CALCRL: variants seen among roughly 807,000 people sequenced by gnomAD.
The protein encoded by CALCRL is calcitonin gene-related peptide type 1 receptor.
Under a neutral mutation model 60.4 loss-of-function variants are expected in CALCRL, and 27 were observed. The observed-to-expected ratio is 0.45, with a 90% CI of 0.33 to 0.62. The LOEUF (loss-of-function observed/expected upper bound fraction) is 0.62, where lower values mean the gene tolerates loss of function less well. Among genes scored for constraint, CALCRL ranks in the 20% least tolerant of loss-of-function variants. The probability of loss-of-function intolerance (pLI) is 0.03; values close to 1 mark genes in which losing one functional copy is unlikely to be tolerated. For missense variants in CALCRL, 424 were observed against 540.7 expected, an observed-to-expected ratio of 0.78 and a Z score of 2.14; for synonymous variants, 190 against 182.6, an observed-to-expected ratio of 1.04 and a Z score of -0.33.
At chr2:187,372,782 A>T (rs1307139135) in intron 8 of CALCRL, among the ~76,000 whole-genome samples, 1 of 152,152 alleles carries the variant, frequency 6.6e-6, no homozygotes. Context: ...TACACAGTGA[A>T]TGATTTTATG....
chr2:187,422,238 C>A (rs1164716665), intron 1 of CALCRL, among the ~76,000 whole-genome samples: 1 of 152,092 alleles, frequency 6.6e-6, no homozygotes, highest in Admixed American at 6.6e-5. Flanking sequence ...ATTAAAAAAT[C>A]AATGAGTTTT....
intron 8 of CALCRL, among the ~76,000 whole-genome samples, chr2:187,375,651 A>G (rs1687726923): frequency 6.6e-6 from 1 of 152,158 alleles, no homozygotes; most frequent in African/African-American, 2.4e-5. Context: ...TGGCCTATTT[A>G]TATGTAAAAC....
intron 14 of CALCRL, among the ~76,000 whole-genome samples, chr2:187,350,679 T>C (rs957112983): frequency 1.3e-5 from 2 of 151,722 alleles, no homozygotes; most frequent in African/African-American, 4.8e-5. Context: ...GTAAAAATAT[T>C]ACTTAAGCAA....
intron 1 of CALCRL, among the ~76,000 whole-genome samples, chr2:187,405,751 A>C (rs1372166233): frequency 6.6e-6 from 1 of 152,098 alleles, no homozygotes; most frequent in Non-Finnish European, 1.5e-5. Flanking sequence ...GATAAAATGC[A>C]GACGGCTGAA....
chr2:187,362,020 T>G (rs143620021), intron 9 of CALCRL, among the ~76,000 whole-genome samples: 1 of 152,120 alleles, frequency 6.6e-6, no homozygotes, highest in East Asian at 1.9e-4. Context: ...CTTCAACTTT[T>G]TATCTAAAGA....
chr2:187,356,180 C>A (rs1283946453), intron 12 of CALCRL, among the ~76,000 whole-genome samples: 1 of 152,048 alleles, frequency 6.6e-6, no homozygotes, highest in Non-Finnish European at 1.5e-5. Flanking sequence ...AAAAAAAGAG[C>A]CTGTATAGCC....
intron 8 of CALCRL, among the ~76,000 whole-genome samples, chr2:187,373,555 A>G (rs1471261817): frequency 6.6e-6 from 1 of 152,182 alleles, no homozygotes; most frequent in Non-Finnish European, 1.5e-5. Context: ...TTTTGTTTTT[A>G]AAGATCTTAA....
chr2:187,431,505 C>G (rs1323475670), intron 1 of CALCRL: 2 of 154,522 alleles, frequency 1.3e-5, no homozygotes, highest in African/African-American at 4.8e-5. Context: ...TGATACTTTT[C>G]AATGGAAAGT....
intron 1 of CALCRL, among the ~76,000 whole-genome samples, chr2:187,447,495 G>C (rs1279085351): frequency 6.6e-6 from 1 of 151,800 alleles, no homozygotes; most frequent in Admixed American, 6.6e-5. Flanking sequence ...AGTAGTTACA[G>C]ATATATGTGT....
intron 1 of CALCRL, among the ~76,000 whole-genome samples, chr2:187,401,042 G>C (rs2105823908): frequency 6.6e-6 from 1 of 151,596 alleles, no homozygotes; most frequent in Non-Finnish European, 1.5e-5. Flanking sequence ...TATATGTGCA[G>C]GCTTGTTACA....
intron 14 of CALCRL, among the ~76,000 whole-genome samples, chr2:187,349,474 T>C (rs1686429678): frequency 6.6e-6 from 1 of 151,594 alleles, no homozygotes; most frequent in African/African-American, 2.4e-5. Flanking sequence ...AATTTGGCAG[T>C]TGTTTCTTCA....
At chr2:187,376,629 T>C (rs1307432796) in intron 8 of CALCRL, among the ~76,000 whole-genome samples, 1 of 152,160 alleles carries the variant, frequency 6.6e-6, no homozygotes, top group Non-Finnish European at 1.5e-5. Context: ...TTAGACTCTT[T>C]CACATGAAGG....
Position 187,352,176 on chromosome 2 carries a change from G to C in CALCRL, c.1066C>G (p.Pro356Ala). Residue 356 changes from proline to alanine, a missense_variant, in exon 13 of 15, where the codon CCT becomes GCT. Physicochemically the swap from Pro to Ala is conservative, Grantham distance 27. Coordinates refer to ENST00000392370, the MANE Select transcript of CALCRL (RefSeq NM_005795.6). ...GIEFVLIPWR[P>A]EGKIAEEVYD... ...ACCTCCTCTGCAATCTTTCCTTCAG[G>C]TCGCCATGGAATCAGCACAAATTCA... 6.2e-7 allele frequency: 1 copy of C among 1,612,338 alleles called. No individual in the cohort carries two copies. Among genetic ancestry groups the C allele is most frequent in the Non-Finnish European group, 8.5e-7 (1 of 1,178,932 alleles).
At chr2:187,357,802 A>G (rs1686863813) in intron 12 of CALCRL, among the ~76,000 whole-genome samples, 1 of 132,034 alleles carries the variant, frequency 7.6e-6, no homozygotes, top group Non-Finnish European at 1.6e-5. Flanking sequence ...TAATAATAAT[A>G]AAAACAACAA....
At chr2:187,385,085 G>A (rs1046303602) in intron 4 of CALCRL, among the ~76,000 whole-genome samples, 1 of 152,142 alleles carries the variant, frequency 6.6e-6, no homozygotes, top group Non-Finnish European at 1.5e-5. Flanking sequence ...TTGAATGAAT[G>A]ATTGAGGAAA....
At chr2:187,393,370 T>C (rs1399288274) in intron 1 of CALCRL, among the ~76,000 whole-genome samples, 1 of 152,130 alleles carries the variant, frequency 6.6e-6, no homozygotes, top group Non-Finnish European at 1.5e-5. Context: ...ACATTTGTAT[T>C]TCACTGTTTC....
At chr2:187,350,614 A>G (rs1410295106) in intron 14 of CALCRL, among the ~76,000 whole-genome samples, 1 of 141,980 alleles carries the variant, frequency 7.0e-6, no homozygotes, top group African/African-American at 3.0e-5. Context: ...TGAACTTGAG[A>G]TATATTTTAA....
intron 12 of CALCRL, among the ~76,000 whole-genome samples, chr2:187,352,801 A>G (rs1226347608): frequency 6.6e-6 from 1 of 151,900 alleles, no homozygotes; most frequent in Non-Finnish European, 1.5e-5. Flanking sequence ...CATCTTTCAA[A>G]CCAAAAACTT....
intron 1 of CALCRL, among the ~76,000 whole-genome samples, chr2:187,396,185 AT>A (rs111294283): frequency 0.6 from 90,155 of 149,790 alleles, 27,186 homozygotes; most frequent in East Asian, 0.68. Context: ...GCCAAAAAAA[AT>A]AAATAAATAA....
Sources: gnomAD v4.1 joint callset for allele counts (sites outside exome capture counted in the v4.1 genomes callset) on GRCh38, gnomAD v4.1.1 for gene constraint, MANE v1.5 for transcripts, NCBI Gene and HGNC (gene_info 2026-07-23, HGNC 2026-07-21) for gene names.